The following ME3 variants were observed in gnomAD, a reference collection of about 807,000 sequenced individuals.
ME3 encodes malic enzyme 3.
In ME3, 48 loss-of-function variants were observed where a neutral mutation model predicts 68.9. The observed-to-expected ratio is 0.70, with a 90% CI of 0.55 to 0.89. ME3 has a LOEUF of 0.89. ME3 is among the 40% of genes least tolerant of loss of function. The pLI is 0.00. For synonymous variants in ME3, 320 were observed against 318.8 expected (o/e 1.00, Z -0.04); for missense variants, 675 against 797.4 (o/e 0.85, Z 1.85).
At chr11:86,584,657 T>G (rs1229619240) in intron 2 of ME3, among the ~76,000 whole-genome samples, 2 of 152,222 alleles carry the variant, frequency 1.3e-5, no homozygotes, top group African/African-American at 4.8e-5. Context: ...TGGATGAATC[T>G]TGAGGACATT....
intron 2 of ME3, among the ~76,000 whole-genome samples, chr11:86,595,294 T>TATAC (rs1287306531): frequency 2.3e-4 from 18 of 78,688 alleles, no homozygotes; most frequent in Non-Finnish European, 2.2e-4. Flanking sequence ...TACATATACA[T>TATAC]ATATATATAT....
chr11:86,557,781 A>C (rs1957007146), intron 3 of ME3, among the ~76,000 whole-genome samples: 1 of 152,186 alleles, frequency 6.6e-6, no homozygotes, highest in South Asian at 2.1e-4. Context: ...CCATTTGTGC[A>C]CATCTTTTCT....
intron 7 of ME3, among the ~76,000 whole-genome samples, chr11:86,469,461 G>A (rs1950664315): frequency 6.6e-6 from 1 of 152,210 alleles, no homozygotes; most frequent in Non-Finnish European, 1.5e-5. Context: ...AACAGAGGCA[G>A]GACCCCTCCC....
intron 8 of ME3, among the ~76,000 whole-genome samples, chr11:86,454,344 C>T (rs953504242): frequency 1.3e-5 from 2 of 152,154 alleles, no homozygotes; most frequent in African/African-American, 4.8e-5. Flanking sequence ...AATGTATATA[C>T]TAGGATGTTT....
At chr11:86,541,259 C>T (rs1956028289) in intron 4 of ME3, among the ~76,000 whole-genome samples, 1 of 151,812 alleles carries the variant, frequency 6.6e-6, no homozygotes, top group African/African-American at 2.4e-5. Context: ...TTTTTTCATA[C>T]CCCAGTGGTG....
chr11:86,528,284 T>G (rs1247603257), intron 4 of ME3, among the ~76,000 whole-genome samples: 1 of 152,100 alleles, frequency 6.6e-6, no homozygotes, highest in Non-Finnish European at 1.5e-5. Context: ...GGTAAAGGGA[T>G]CAATTCAACA....
At chr11:86,507,059 G>A (rs980909288) in intron 5 of ME3, among the ~76,000 whole-genome samples, 3 of 152,232 alleles carry the variant, frequency 2.0e-5, no homozygotes, top group Admixed American at 6.5e-5. Context: ...GCTATGGCTC[G>A]AGCCTGGCTC....
At chr11:86,562,504 T>C (rs923388133) in intron 2 of ME3, among the ~76,000 whole-genome samples, 1 of 152,204 alleles carries the variant, frequency 6.6e-6, no homozygotes, top group African/African-American at 2.4e-5. Context: ...GCATCCCTGC[T>C]AGAAGTGAAT....
At chr11:86,565,660 A>G (rs1183524022) in intron 2 of ME3, among the ~76,000 whole-genome samples, 3 of 152,268 alleles carry the variant, frequency 2.0e-5, no homozygotes, top group Admixed American at 1.3e-4. Context: ...ATTGTATGGT[A>G]TGTAAATTAT....
chr11:86,658,707 C>T (rs1306471000), intron 2 of ME3, among the ~76,000 whole-genome samples: 6 of 152,086 alleles, frequency 3.9e-5, no homozygotes, highest in Non-Finnish European at 2.9e-5. Context: ...GCCCTCGCTC[C>T]TGGCACCACC....
intron 2 of ME3, among the ~76,000 whole-genome samples, chr11:86,606,691 A>C (rs80178193): frequency 0.036 from 5,495 of 152,308 alleles, 132 homozygotes; most frequent in Non-Finnish European, 0.054. Flanking sequence ...CCAATAGTCC[A>C]TGGTGCTTAT....
At chr11:86,440,615 A>G (rs991968403), downstream of ME3, among the ~76,000 whole-genome samples, 1 of 151,982 alleles carries the variant, frequency 6.6e-6, no homozygotes, top group African/African-American at 2.4e-5. Flanking sequence ...AGACTCAACA[A>G]CCCACAGGGC....
At position 86,593,234 on chromosome 11, in the gene ME3, C is replaced by T. The variant is rs1334863368; in HGVS notation, c.184-33411G>A. 2.0e-5 allele frequency among the ~76,000 whole-genome samples: 3 copies of T among 147,840 alleles called. 1 individual carries two copies. Among genetic ancestry groups the T allele is most frequent in the Non-Finnish European group, 4.5e-5 (3 of 67,382 alleles). On this transcript the variant is annotated intron_variant, in intron 2 of 14. Transcript: ENST00000543262. The stretch of plus-strand genomic sequence containing the variant: ...AGTAAAAGTTAGCTACTGCCTGCAA[C>T]ATACCAGGCACCGTACAACACGAAA...
At position 86,618,052 on chromosome 11, in the gene ME3, G is replaced by A. The variant is rs78267949; in HGVS notation, c.183+53710C>T. On this transcript the variant is annotated intron_variant, in intron 2 of 14. Coordinates refer to ENST00000543262, the Ensembl canonical transcript of ME3. ...GCTGGGCACAGTGGCTCATGCCATC[G>A]CTCTGGGAGGCCAAGTTGGGCAGAT... Among the ~76,000 whole-genome samples the A allele has an allele frequency of 3.6e-3, 545 of 152,082 alleles. 3 individuals carry two copies. The highest frequency in any genetic ancestry group is 0.031 in the Middle Eastern group (9 of 294).
At chr11:86,519,787 A>G (rs1954138530) in intron 4 of ME3, among the ~76,000 whole-genome samples, 1 of 152,250 alleles carries the variant, frequency 6.6e-6, no homozygotes, top group Non-Finnish European at 1.5e-5. Context: ...AAGCAGATCT[A>G]AGAAATCCTC....
In ME3 at chr11:86,484,520, G is replaced by A. The variant is rs112005722; in HGVS notation, c.809+2817C>T. 8.6e-4 allele frequency among the ~76,000 whole-genome samples: 130 copies of A among 151,952 alleles called. 1 individual carries two copies. The highest frequency in any genetic ancestry group is 2.8e-3 in the African/African-American group (116 of 41,464). On this transcript the variant is annotated intron_variant, in intron 7 of 14. Coordinates refer to ENST00000543262, the Ensembl canonical transcript of ME3. ...ACGCATGCCCCTCCCCAAGGATCCC[G>A]CCCCCCGCTCCCGGACTGCCTGTGT...
At chr11:86,471,236 A>T (rs1318828399) in intron 7 of ME3, among the ~76,000 whole-genome samples, 1 of 146,920 alleles carries the variant, frequency 6.8e-6, no homozygotes, top group African/African-American at 2.5e-5. Context: ...CCCGGGTTCA[A>T]GCAATTCTCC....
chr11:86,636,394 T>C (rs536015010), intron 2 of ME3, among the ~76,000 whole-genome samples: 3 of 152,194 alleles, frequency 2.0e-5, no homozygotes, highest in African/African-American at 7.2e-5. Flanking sequence ...GCATAAACAC[T>C]CATGAAGAGA....
intron 4 of ME3, among the ~76,000 whole-genome samples, chr11:86,515,044 G>T (rs529697948): frequency 6.6e-6 from 1 of 152,324 alleles, no homozygotes; most frequent in South Asian, 2.1e-4. Context: ...ATAGTTATGT[G>T]TGTTACTGAA....
Sources: allele counts gnomAD v4.1 joint callset (sites outside exome capture counted in the v4.1 genomes callset), GRCh38; gene constraint gnomAD v4.1.1; transcripts MANE v1.5; gene names NCBI Gene and HGNC (gene_info 2026-07-23, HGNC 2026-07-21).